Variants in CACNB2 observed in about 807,000 individuals in gnomAD.
CACNB2 encodes the protein calcium voltage-gated channel auxiliary subunit beta 2.
CACNB2 carries 42 observed loss-of-function variants against 73.3 expected under a neutral mutation model. The observed-to-expected ratio is 0.57, with a 90% CI of 0.45 to 0.74. The LOEUF (loss-of-function observed/expected upper bound fraction) is 0.74. Among genes scored for constraint, CACNB2 ranks in the 30% least tolerant of loss-of-function variants. CACNB2 has a pLI of 0.00. For missense variants in CACNB2, 940 were observed against 853.0 expected, an observed-to-expected ratio of 1.10 and a Z score of -1.27; for synonymous variants, 348 against 310.3, an observed-to-expected ratio of 1.12 and a Z score of -1.28.
chr10:18,308,148 C>A (rs1376026291), intron 2 of CACNB2, among the ~76,000 whole-genome samples: 1 of 151,870 alleles, frequency 6.6e-6, no homozygotes, highest in African/African-American at 2.4e-5. Flanking sequence ...CACCCGCCAC[C>A]ATGCCAGGCT....
intron 2 of CACNB2, among the ~76,000 whole-genome samples, chr10:18,360,693 T>C (rs1277371342): frequency 6.6e-6 from 1 of 152,198 alleles, no homozygotes; most frequent in African/African-American, 2.4e-5. Context: ...TGGCCACACA[T>C]AGTCATGAGT....
chr10:18,394,799 G>A (rs936234299), intron 2 of CACNB2, among the ~76,000 whole-genome samples: 1 of 152,188 alleles, frequency 6.6e-6, no homozygotes, highest in Non-Finnish European at 1.5e-5. Flanking sequence ...TATGTGCATA[G>A]CCTGATCTTA....
At chr10:18,154,665 G>T (rs1201707611) in intron 2 of CACNB2, among the ~76,000 whole-genome samples, 1 of 151,954 alleles carries the variant, frequency 6.6e-6, no homozygotes, top group African/African-American at 2.4e-5. Context: ...ACAGGGTTTC[G>T]CCATGTTGGC....
At chr10:18,399,147 G>C (rs1372828478) in intron 2 of CACNB2, among the ~76,000 whole-genome samples, 1 of 152,060 alleles carries the variant, frequency 6.6e-6, no homozygotes, top group Non-Finnish European at 1.5e-5. Flanking sequence ...GGGTGATTGG[G>C]TCTAACATGG....
intron 5 of CACNB2, 35 bp from the exon 6 acceptor site, chr10:18,506,436 T>C: frequency 3.6e-6 from 4 of 1,115,162 alleles, no homozygotes; most frequent in Non-Finnish European, 5.5e-6. Context: ...GCGAAATAAG[T>C]GTCAGATTTA....
At chr10:18,265,209 G>A (rs1207415711) in intron 2 of CACNB2, among the ~76,000 whole-genome samples, 1 of 142,054 alleles carries the variant, frequency 7.0e-6, no homozygotes, top group Non-Finnish European at 1.5e-5. Context: ...GAAGCGTAGT[G>A]GCACAATCTC....
intron 2 of CACNB2, among the ~76,000 whole-genome samples, chr10:18,293,204 G>A (rs2131784811): frequency 6.6e-6 from 1 of 152,172 alleles, no homozygotes; most frequent in South Asian, 2.1e-4. Context: ...CAAAATTTTT[G>A]AAGTTAATTC....
At chr10:18,424,921 C>T (rs1033026405) in intron 3 of CACNB2, among the ~76,000 whole-genome samples, 4 of 152,114 alleles carry the variant, frequency 2.6e-5, no homozygotes, top group African/African-American at 7.2e-5. Flanking sequence ...AGCATTTATC[C>T]GTGTCTCCTG....
At chr10:18,208,438 C>A (rs2035184833) in intron 2 of CACNB2, among the ~76,000 whole-genome samples, 2 of 151,928 alleles carry the variant, frequency 1.3e-5, no homozygotes, top group Admixed American at 6.6e-5. Flanking sequence ...CATAGTGAGA[C>A]CCCATCTATA....
At position 18,253,122 on chromosome 10, in the gene CACNB2, G is replaced by A. The variant is rs118067588; in HGVS notation, c.213+102147G>A. On this transcript the variant is annotated intron_variant, in intron 2 of 13. Coordinates refer to ENST00000324631, the MANE Select transcript of CACNB2 (RefSeq NM_201596.3). ...CTTCGTATATGAAATGGAGATGAAGGGCTCATGGAGTTGTCATGAGAATCA... is the reference window on the plus strand; with the variant it reads ...CTTCGTATATGAAATGGAGATGAAGAGCTCATGGAGTTGTCATGAGAATCA... Among the ~76,000 whole-genome samples, 468 of 152,242 alleles carry A rather than the reference G, an allele frequency of 3.1e-3. 2 individuals carry two copies. Among genetic ancestry groups the A allele is most frequent in the Non-Finnish European group, 5.3e-3 (363 of 68,014 alleles).
intron 3 of CACNB2, among the ~76,000 whole-genome samples, chr10:18,411,762 C>A (rs971543202): frequency 2.6e-5 from 4 of 152,180 alleles, no homozygotes; most frequent in Non-Finnish European, 5.9e-5. Flanking sequence ...CCTGCCTCGG[C>A]CTCCCAAAGT....
chr10:18,432,450 C>CTGTGTGTGTGTGTGTGTG (rs57188373), intron 3 of CACNB2, among the ~76,000 whole-genome samples: 2 of 150,628 alleles, frequency 1.3e-5, no homozygotes, highest in African/African-American at 4.9e-5. Flanking sequence ...GTGTGTGTCT[C>CTGTGTGTGTGTGTGTGTG]TGTGTGTGTG....
intron 2 of CACNB2, among the ~76,000 whole-genome samples, chr10:18,378,335 C>T (rs1261051369): frequency 6.6e-6 from 1 of 152,170 alleles, no homozygotes; most frequent in Non-Finnish European, 1.5e-5. Flanking sequence ...ACCAAAAACA[C>T]TGACACAGCC....
chr10:18,434,858 G>A (rs781612983), intron 3 of CACNB2, among the ~76,000 whole-genome samples: 43 of 152,222 alleles, frequency 2.8e-4, no homozygotes, highest in African/African-American at 9.9e-4. Context: ...ATCACAGGTC[G>A]TGTAAGTATT....
At chr10:18,328,036 T>C (rs2040652659) in intron 2 of CACNB2, among the ~76,000 whole-genome samples, 1 of 152,188 alleles carries the variant, frequency 6.6e-6, no homozygotes, top group South Asian at 2.1e-4. Context: ...TGAGCTTTTG[T>C]AGCCAGTTCT....
intron 2 of CACNB2, among the ~76,000 whole-genome samples, chr10:18,292,327 C>T (rs1227743106): frequency 2.0e-5 from 3 of 152,156 alleles, no homozygotes; most frequent in Non-Finnish European, 4.4e-5. Flanking sequence ...GTAATAACAA[C>T]GGCATGTTAA....
intron 3 of CACNB2, among the ~76,000 whole-genome samples, chr10:18,460,841 G>T (rs1032794969): frequency 3.1e-4 from 47 of 149,620 alleles, no homozygotes; most frequent in African/African-American, 1.1e-3. Context: ...AGTGAGCTGT[G>T]ATAGTGCCAC....
chr10:18,285,892 G>T (rs537876231), intron 2 of CACNB2, among the ~76,000 whole-genome samples: 1 of 152,168 alleles, frequency 6.6e-6, no homozygotes, highest in South Asian at 2.1e-4. Context: ...TAAGTGTATT[G>T]TCAACCCTTT....
intron 9 of CACNB2, among the ~76,000 whole-genome samples, chr10:18,525,028 C>CT (rs1333592927): frequency 4.2e-4 from 29 of 68,250 alleles, no homozygotes; most frequent in African/African-American, 1.2e-3. Flanking sequence ...GAGATGCTGT[C>CT]TAAAAAAAAA....
Sources: gnomAD v4.1 joint callset for allele counts (sites outside exome capture counted in the v4.1 genomes callset) on GRCh38, gnomAD v4.1.1 for gene constraint, MANE v1.5 for transcripts, NCBI Gene and HGNC (gene_info 2026-07-23, HGNC 2026-07-21) for gene names.